WWOX: variants seen among roughly 807,000 people sequenced by gnomAD.
The protein encoded by WWOX is WW domain containing oxidoreductase.
Under a neutral mutation model 46.2 loss-of-function variants are expected in WWOX, and 69 were observed. That is an observed-to-expected ratio of 1.49 (90% CI 1.23 to 1.82). The LOEUF (loss-of-function observed/expected upper bound fraction) is 1.82, where lower values mean the gene tolerates loss of function less well. Ranked by LOEUF, WWOX falls within the 40% of genes most tolerant of loss-of-function variation. The pLI, the probability that WWOX is intolerant of heterozygous loss-of-function variation, is 0.00. For synonymous variants in WWOX, 359 were observed against 202.6 expected, an observed-to-expected ratio of 1.77 and a Z score of -6.56; for missense variants, 919 against 542.6, an observed-to-expected ratio of 1.69 and a Z score of -6.89.
intron 4 of WWOX, chr16:78,124,345 G>T (rs932477770): frequency 6.6e-6 from 1 of 152,108 alleles, no homozygotes. Flanking sequence ...TGGCGATTCT[G>T]GGAATTATTA....
intron 5 of WWOX, among the ~76,000 whole-genome samples, chr16:78,319,375 C>G (rs553130075): frequency 1.4e-4 from 22 of 152,176 alleles, no homozygotes; most frequent in Admixed American, 4.6e-4. Flanking sequence ...ATCCTCCCAC[C>G]TCAACCTCCT....
intron 8 of WWOX, among the ~76,000 whole-genome samples, chr16:78,880,600 C>G (rs546202563): frequency 6.6e-6 from 1 of 152,188 alleles, no homozygotes; most frequent in Non-Finnish European, 1.5e-5. Flanking sequence ...CATTTGGAAT[C>G]CAGCCAAAAT....
intron 8 of WWOX, among the ~76,000 whole-genome samples, chr16:78,989,553 CA>C (rs1025560916): frequency 2.7e-4 from 41 of 152,218 alleles, no homozygotes; most frequent in African/African-American, 9.2e-4. Context: ...GTTCAGCTCT[CA>C]AAAATGTGAA....
In WWOX at chr16:78,652,408, C is replaced by CAAA. The variant is rs747993811; in HGVS notation, c.1056+219677_1056+219679dup. On this transcript the variant is annotated intron_variant, in intron 8 of 8. Transcript: ENST00000566780. ...TGGGTGACAGAGCGAGACTCCGTCT[C>CAAA]AAAAAAAAAAAAAAAAAAAAAAAGA... Among the ~76,000 whole-genome samples the CAAA allele has an allele frequency of 5.6e-3, 602 of 107,366 alleles. 11 individuals are homozygous for CAAA. The highest frequency in any genetic ancestry group is 0.025 in the African/African-American group (535 of 21,464). The allele number at this position is 107,366 out of a possible 152,430, so 70.4% of individuals were successfully genotyped here.
At chr16:78,905,761 A>G (rs16948799) in intron 8 of WWOX, among the ~76,000 whole-genome samples, 18,954 of 152,214 alleles carry the variant, frequency 0.12, 1,514 homozygotes, top group Non-Finnish European at 0.16. Context: ...GCAGAATAGT[A>G]TCCTATTTAT....
chr16:78,429,272 G>C (rs1208565360), intron 7 of WWOX, among the ~76,000 whole-genome samples: 1 of 152,226 alleles, frequency 6.6e-6, no homozygotes, highest in Non-Finnish European at 1.5e-5. Context: ...CACCAATCTT[G>C]GAAGGCCAGT....
chr16:78,936,991 G>C (rs756744922), intron 8 of WWOX, among the ~76,000 whole-genome samples: 1 of 152,080 alleles, frequency 6.6e-6, no homozygotes, highest in East Asian at 1.9e-4. Flanking sequence ...TTTGGATTTG[G>C]GAATACGGTC....
chr16:78,869,950 A>G (rs78594904), intron 8 of WWOX, among the ~76,000 whole-genome samples: 8 of 152,134 alleles, frequency 5.3e-5, no homozygotes, highest in Non-Finnish European at 1.0e-4. Context: ...TTGGGAGTCT[A>G]TGTTTATGTG....
chr16:78,568,317 A>C (rs996081201), intron 8 of WWOX, among the ~76,000 whole-genome samples: 21 of 152,080 alleles, frequency 1.4e-4, no homozygotes, highest in African/African-American at 5.1e-4. Flanking sequence ...TTGTCCCTCC[A>C]AAAGCCTGCA....
chr16:78,574,844 C>A (rs1184340349), intron 8 of WWOX, among the ~76,000 whole-genome samples: 1 of 149,038 alleles, frequency 6.7e-6, no homozygotes, highest in Non-Finnish European at 1.5e-5. Context: ...GTTCAAACTT[C>A]TCGTTAATAA....
intron 8 of WWOX, among the ~76,000 whole-genome samples, chr16:78,874,097 T>TA (rs113474946): frequency 0.19 from 28,738 of 148,660 alleles, 3,083 homozygotes; most frequent in East Asian, 0.29. Context: ...TAAAATTATT[T>TA]AAAAAAAAAA....
intron 8 of WWOX, chr16:78,891,901 G>A (rs2044598834): frequency 6.6e-6 from 1 of 152,136 alleles, no homozygotes; most frequent in Admixed American, 6.6e-5. Context: ...GAGCAGAGTT[G>A]GTTTTCCGGA....
In WWOX at chr16:78,582,301, C is replaced by G. The variant is rs1183127629; in HGVS notation, c.1056+149549C>G. On this transcript the variant is annotated intron_variant, in intron 8 of 8. Coordinates refer to ENST00000566780, the MANE Select transcript of WWOX (RefSeq NM_016373.4). ...GCAATTGCTGTTGGATTATGTTACG[C>G]TTGTCATCTGAGGTTACTGTTGAAT... 3.9e-5 allele frequency among the ~76,000 whole-genome samples: 6 copies of G among 152,246 alleles called. No individual in the cohort carries two copies. In the East Asian group the frequency reaches 7.7e-4, roughly 20 times the overall value.
chr16:79,190,022 TG>T (rs1198841070), intron 8 of WWOX, among the ~76,000 whole-genome samples: 1 of 152,112 alleles, frequency 6.6e-6, no homozygotes, highest in Non-Finnish European at 1.5e-5. Context: ...CATAACGCCT[TG>T]TTTTTTAATT....
At chr16:78,446,385 TCTGCCTTTGCTTTGACACGAGATGTTGC>T (rs1267373237) in intron 8 of WWOX, among the ~76,000 whole-genome samples, 4 of 152,160 alleles carry the variant, frequency 2.6e-5, no homozygotes. Context: ...CAGGTCCTTG[TCTGCCTTTGCTTTGACACGAGATGTTGC>T]CTGCCTCAGG....
chr16:79,103,151 C>T (rs1247099533), intron 8 of WWOX, among the ~76,000 whole-genome samples: 3 of 152,164 alleles, frequency 2.0e-5, no homozygotes, highest in East Asian at 1.9e-4. Flanking sequence ...AGTCTCTCAG[C>T]CCGTTTTCAT....
At chr16:78,596,196 C>T (rs769821657) in intron 8 of WWOX, among the ~76,000 whole-genome samples, 2 of 152,122 alleles carry the variant, frequency 1.3e-5, no homozygotes, top group Admixed American at 1.3e-4. Context: ...CAAAACAAAA[C>T]ATGATATCCA....
At chr16:79,109,244 A>G (rs944503961) in intron 8 of WWOX, among the ~76,000 whole-genome samples, 4 of 152,088 alleles carry the variant, frequency 2.6e-5, no homozygotes, top group Non-Finnish European at 4.4e-5. Flanking sequence ...CTCCTAATCC[A>G]CATCTGGGCA....
intron 8 of WWOX, among the ~76,000 whole-genome samples, chr16:78,979,972 C>G (rs564891912): frequency 6.6e-6 from 1 of 152,168 alleles, no homozygotes; most frequent in South Asian, 2.1e-4. Flanking sequence ...ACTAAAAATA[C>G]AAAAAATTAG....
Sources: gnomAD v4.1 joint callset for allele counts (sites outside exome capture counted in the v4.1 genomes callset) on GRCh38, gnomAD v4.1.1 for gene constraint, MANE v1.5 for transcripts, NCBI Gene and HGNC (gene_info 2026-07-23, HGNC 2026-07-21) for gene names.